The following KCNH4 variants were observed in gnomAD, a reference collection of about 807,000 sequenced individuals.
KCNH4 encodes the protein voltage-gated delayed rectifier potassium channel KCNH4.
KCNH4 carries 33 observed loss-of-function variants against 90.7 expected under a neutral mutation model. The observed-to-expected ratio is 0.36, with a 90% confidence interval of 0.28 to 0.49. The LOEUF (loss-of-function observed/expected upper bound fraction) is 0.49, where lower values mean the gene tolerates loss of function less well. KCNH4 is among the 20% of genes least tolerant of loss of function. The probability of loss-of-function intolerance (pLI) is 0.98; values close to 1 mark genes in which losing one functional copy is unlikely to be tolerated. For missense variants in KCNH4, 1,044 were observed against 1,387.1 expected (o/e 0.75, Z 3.93); for synonymous variants, 551 against 581.7 (o/e 0.95, Z 0.76).
intron 6 of KCNH4, among the ~76,000 whole-genome samples, chr17:42,175,228 G>GC (rs2079853163): frequency 1.3e-5 from 2 of 152,238 alleles, no homozygotes; most frequent in Admixed American, 1.3e-4. Flanking sequence ...CAGTGGCCAT[G>GC]CCCCACACAG....
intron 11 of KCNH4, 35 bp downstream of exon 11, chr17:42,165,414 T>C: frequency 6.2e-7 from 1 of 1,608,796 alleles, no homozygotes; most frequent in Non-Finnish European, 8.5e-7. Flanking sequence ...AGGAAGGGAC[T>C]CTGGAAGGAT....
At position 42,180,764 on chromosome 17, in the gene KCNH4, T is replaced by A; in HGVS notation, c.76+106A>T. 8.6e-7 allele frequency: 1 copy of A among 1,160,952 alleles called. No individual in the cohort carries two copies. The allele number at this position is 1,160,952 out of a possible 1,614,324, so 71.9% of individuals were successfully genotyped here. A position where few individuals can be genotyped will look rare whatever the true frequency, so the allele number is the denominator to read the frequency against. Reference sequence around the variant, plus strand: ...GGAGTTCCTAGACCCGCACCTCCATTCTCTCCCCTCGCCTCGGGTCTCACC... The same window carrying A: ...GGAGTTCCTAGACCCGCACCTCCATACTCTCCCCTCGCCTCGGGTCTCACC... On this transcript the variant is annotated intron_variant, in intron 1 of 16. Transcript: ENST00000264661. The surrounding 1 kb of genome is among the most constrained non-coding windows in gnomAD (Gnocchi z 4.7).
In KCNH4 at chr17:42,162,171, C is replaced by T. The variant is rs974853870; in HGVS notation, c.2658+77G>A. On this transcript the variant is annotated intron_variant, in intron 15 of 16. Transcript: ENST00000264661. ...ATGTTGGCCAGGCTGGTCCCAAACT[C>T]CTGACCTCAAGTGAGCCACGTGTAG... is the stretch of plus-strand genomic sequence containing the variant. The T allele has an allele frequency of 3.8e-6, 5 of 1,303,954 alleles. No homozygotes were observed. In the Admixed American group the frequency reaches 7.1e-5, roughly 18 times the overall value. The allele number at this position is 1,303,954 out of a possible 1,614,324, so 80.8% of individuals were successfully genotyped here.
At position 42,180,257 on chromosome 17, in the gene KCNH4, G is replaced by T. The variant is rs1160522821; in HGVS notation, c.76+613C>A. 6.6e-6 allele frequency among the ~76,000 whole-genome samples: 1 copy of T among 152,140 alleles called. No individual in the cohort carries two copies. Among genetic ancestry groups the T allele is most frequent in the African/African-American group, 2.4e-5 (1 of 41,424 alleles). On this transcript the variant is annotated intron_variant, in intron 1 of 16. Transcript: ENST00000264661. This position sits in a 1 kb window ranked among gnomAD's most constrained non-coding sequence, Gnocchi z 4.7. ...TTCCAGAGTGGGAAGAGGGAATGGC[G>T]GGAGAAGAGGCGGGGGAGGAGTGAT...
In KCNH4 at chr17:42,181,070, ACTGCCG is replaced by A. The variant is rs573849867; in HGVS notation, c.-131_-126del. ...CCTCCTGCCTCCTCCCCTCCCTCTT[ACTGCCG>A]CTGCCGCTGCCGCTGCCTCTGCTCC... On this transcript the variant is annotated 5_prime_UTR_variant, in exon 1 of 17. Transcript: ENST00000264661. The A allele has an allele frequency of 6.1e-4, 481 of 783,578 alleles. 8 individuals are homozygous for A. The South Asian group carries it at 7.5e-3, about 12-fold the overall frequency. The allele number at this position is 783,578 out of a possible 1,614,324, so 48.5% of individuals were successfully genotyped here. A position where few individuals can be genotyped will look rare whatever the true frequency, so the allele number is the denominator to read the frequency against.
chr17:42,163,420 T>A lies in KCNH4; in HGVS notation c.2478-86A>T. The A allele has an allele frequency of 9.9e-7, 1 of 1,012,536 alleles. No homozygotes were observed. Among genetic ancestry groups the A allele is most frequent in the Non-Finnish European group, 1.5e-6 (1 of 662,942 alleles). The allele number at this position is 1,012,536 out of a possible 1,614,324, so 62.7% of individuals were successfully genotyped here. A position where few individuals can be genotyped will look rare whatever the true frequency, so the allele number is the denominator to read the frequency against. On this transcript the variant is annotated intron_variant, in intron 13 of 16. Transcript: ENST00000264661. The surrounding 1 kb of genome is among the most constrained non-coding windows in gnomAD (Gnocchi z 5.4). ...GACAGAGGGGGACTGGGGGCAGCAG[T>A]GCCAGGGGGCGGAGCAAGAGCAGCA...
chr17:42,177,217 C>A (rs1481605768), intron 4 of KCNH4, among the ~76,000 whole-genome samples: 1 of 151,774 alleles, frequency 6.6e-6, no homozygotes, highest in Non-Finnish European at 1.5e-5. Flanking sequence ...ACCCATCTAA[C>A]TTTGTATTTT....
intron 6 of KCNH4, among the ~76,000 whole-genome samples, chr17:42,173,648 G>A (rs1189531423): frequency 2.0e-5 from 3 of 148,922 alleles, no homozygotes; most frequent in Non-Finnish European, 4.4e-5. Flanking sequence ...GAAGCAGGGT[G>A]GTATGTTGGA....
intron 6 of KCNH4, 95 bp from the exon 7 acceptor site, chr17:42,172,090 C>T: frequency 3.0e-6 from 3 of 1,011,812 alleles, no homozygotes; most frequent in Non-Finnish European, 4.5e-6. Context: ...CAACCTGGAG[C>T]CAGGGCAGGC....
chr17:42,172,123 C>T (rs573238259), intron 6 of KCNH4, 128 bp from the exon 7 acceptor site: 2 of 719,998 alleles, frequency 2.8e-6, no homozygotes, highest in East Asian at 2.7e-5. Flanking sequence ...GACATCTTTG[C>T]TGTCCTGAGA....
rs1033945698 is a variant in KCNH4 at position 42,163,802 on chromosome 17, G to A, written c.2281C>T (p.Leu761Phe). Reference protein sequence around the residue: ...PARPRGSLVSLLGEELPPFSA... With the variant: ...PARPRGSLVSFLGEELPPFSA... ...AATGGGGGCAGCTCCTCGCCCAAAA[G>A]GCTGACCAGGGAGCCCCGAGGCCGT... The change falls in exon 13 of 17, where the codon CTT (leucine) becomes TTT (phenylalanine). Residue 761 changes from leucine to phenylalanine, a missense_variant. Leu to Phe is a conservative substitution (Grantham distance 22). Around this residue, in one of 4 missense-constraint regions of KCNH4, gnomAD observed 441 missense variants for 512.3 expected, o/e 0.86. Transcript: ENST00000264661. The surrounding 1 kb of genome is among the most constrained non-coding windows in gnomAD (Gnocchi z 5.4). The A allele has an allele frequency of 6.5e-7, 1 of 1,534,830 alleles. No individual in the cohort carries two copies. The highest frequency in any genetic ancestry group is 8.8e-7 in the Non-Finnish European group (1 of 1,141,372).
At chr17:42,172,569 A>G (rs1187673350) in intron 6 of KCNH4, among the ~76,000 whole-genome samples, 1 of 145,776 alleles carries the variant, frequency 6.9e-6, no homozygotes, top group Admixed American at 6.7e-5. Flanking sequence ...ACACACACAC[A>G]CACACACACA....
rs180955685 is a variant in KCNH4 at position 42,175,149 on chromosome 17, G to T, written c.987+430C>A. 1.6e-4 allele frequency among the ~76,000 whole-genome samples: 25 copies of T among 152,296 alleles called. 1 individual carries two copies. The East Asian group carries it at 4.6e-3, about 28-fold the overall frequency. ...CATTCACCTCTTCTGTCCCTGATGT[G>T]CTCTGTGGCATTCCTGCCCCCTCAC... On this transcript the variant is annotated intron_variant, in intron 6 of 16. Coordinates refer to ENST00000264661, the MANE Select transcript of KCNH4 (RefSeq NM_012285.3).
chr17:42,179,758 G>A (rs752715863), intron 1 of KCNH4, among the ~76,000 whole-genome samples: 1 of 152,214 alleles, frequency 6.6e-6, no homozygotes, highest in Non-Finnish European at 1.5e-5. Context: ...CATTCTTGTA[G>A]CTGCTTTCAG....
chr17:42,179,596 C>G (rs2079887346), intron 1 of KCNH4, among the ~76,000 whole-genome samples: 2 of 152,210 alleles, frequency 1.3e-5, no homozygotes, highest in African/African-American at 4.8e-5. Flanking sequence ...ACAGAGTAAG[C>G]AGGGCAGAGA....
chr17:42,181,033 C>A lies in KCNH4; in HGVS notation c.-88G>T. ...GGGCGCGCTGTCGGAGGGGCCGGGG[C>A]GCCCCATGCGCCCTCCTGCCTCCTC... is the stretch of plus-strand genomic sequence containing the variant. On this transcript the variant is annotated 5_prime_UTR_variant, in exon 1 of 17. Transcript: ENST00000264661. The A allele has an allele frequency of 8.7e-7, 1 of 1,145,568 alleles. No homozygotes were observed. The highest frequency in any genetic ancestry group is 1.2e-6 in the Non-Finnish European group (1 of 800,710). The allele number at this position is 1,145,568 out of a possible 1,614,324, so 71.0% of individuals were successfully genotyped here. A position where few individuals can be genotyped will look rare whatever the true frequency, so the allele number is the denominator to read the frequency against.
At chr17:42,170,032 C>T in intron 8 of KCNH4, 75 bp downstream of exon 8, 3 of 1,448,330 alleles carry the variant, frequency 2.1e-6, no homozygotes, top group Non-Finnish European at 2.8e-6. Flanking sequence ...ATGTCTTGCC[C>T]TCTCTGGGCC....
rs577096407 is a variant in KCNH4, at chr17:42,165,330, C to T, written c.2085+119G>A. 1.1e-4 allele frequency: 147 copies of T among 1,286,204 alleles called. No individual in the cohort carries two copies. In the South Asian group the frequency reaches 1.9e-3, roughly 17 times the overall value. 79.7% of individuals were successfully genotyped at this position (1,286,204 alleles called of 1,614,324 possible). A position where few individuals can be genotyped will look rare whatever the true frequency, so the allele number is the denominator to read the frequency against. Reference sequence around the variant, plus strand: ...AGGTAAGGGGCAATGGAGGAGGGTGCCTGGGCTTCAGGCATGTGTTTTTAG... The same window carrying T: ...AGGTAAGGGGCAATGGAGGAGGGTGTCTGGGCTTCAGGCATGTGTTTTTAG... On this transcript the variant is annotated intron_variant, in intron 11 of 16. Transcript: ENST00000264661.
In KCNH4 at chr17:42,179,003, C is replaced by T. The variant is rs755243608; in HGVS notation, c.100G>A (p.Ala34Thr). 76 of 1,613,440 alleles carry T rather than the reference C, an allele frequency of 4.7e-5. No individual in the cohort carries two copies. Among genetic ancestry groups the T allele is most frequent in the East Asian group, 1.6e-4 (7 of 44,852 alleles). ...ATGGGAAAGCCCCGTGTGCCCTGTG[C>T]GTTGGCCAGCAGGAAGTTGCTGTCT... The part of the protein sequence containing the change: ...GTHSNFLLAN[A>T]QGTRGFPIVY... Residue 34 changes from alanine (A) to threonine (T), a missense_variant, in exon 2 of 17, where the codon GCA becomes ACA. Ala to Thr is a moderately conservative substitution (Grantham distance 58, BLOSUM62 0). Around this residue, in one of 4 missense-constraint regions of KCNH4, gnomAD observed 283 missense variants for 378.6 expected, o/e 0.75. Coordinates refer to ENST00000264661, the MANE Select transcript of KCNH4 (RefSeq NM_012285.3).
Sources: allele counts gnomAD v4.1 joint callset (sites outside exome capture counted in the v4.1 genomes callset), GRCh38; gene constraint gnomAD v4.1.1; regional missense constraint gnomAD v4.1.1; non-coding constraint Gnocchi (gnomAD v3.1); transcripts MANE v1.5; gene names NCBI Gene and HGNC (gene_info 2026-07-23, HGNC 2026-07-21).